Variants in KIF16B observed in about 807,000 individuals in gnomAD.
KIF16B encodes the protein kinesin-like protein KIF16B.
KIF16B carries 98 observed loss-of-function variants against 156.3 expected under a neutral mutation model. The observed-to-expected ratio is 0.63, with a 90% CI of 0.53 to 0.74. The LOEUF (loss-of-function observed/expected upper bound fraction) is 0.74. Ranked by LOEUF, KIF16B falls within the 30% of genes least tolerant of loss-of-function variation. KIF16B has a pLI of 0.00. For missense variants in KIF16B, 1,421 were observed against 1,606.5 expected (o/e 0.88, Z 1.97); for synonymous variants, 564 against 583.7 (o/e 0.97, Z 0.49).
intron 17 of KIF16B, among the ~76,000 whole-genome samples, chr20:16,395,211 G>A (rs2065464443): frequency 1.3e-5 from 1 of 75,554 alleles, no homozygotes; most frequent in Non-Finnish European, 2.7e-5. Flanking sequence ...GGGAAGAGGA[G>A]GGGAGGGGAG....
chr20:16,507,963 T>C lies in KIF16B; in HGVS notation c.694A>G (p.Thr232Ala). Residue 232 changes from threonine (T) to alanine (A), a missense_variant, in exon 7 of 26, where the codon ACT becomes GCT. Transcript: ENST00000354981. ...GGTCCCGCAGCAGCCCTTACCTGAG[T>C]GAACTTGATGGTGAAGATGGCATGA... ...RSHAIFTIKF[T>A]QAKFDSEMPC... 3.1e-6 allele frequency: 5 copies of C among 1,614,096 alleles called. No homozygotes were observed. The highest frequency in any genetic ancestry group is 3.4e-6 in the Non-Finnish European group (4 of 1,179,992).
intron 25 of KIF16B, 152 bp from the exon 26 acceptor site, chr20:16,273,563 CT>C (rs2063014344): frequency 1.6e-6 from 1 of 634,540 alleles, no homozygotes; most frequent in Admixed American, 2.7e-5. Context: ...GGGTGGTGCA[CT>C]GAGGCAGGAG....
chr20:16,434,684 G>C (rs6034476), intron 12 of KIF16B, among the ~76,000 whole-genome samples: 28,363 of 152,096 alleles, frequency 0.19, 2,902 homozygotes, highest in African/African-American at 0.27. Flanking sequence ...TAGTCACTCA[G>C]TAAGTGCTGA....
intron 1 of KIF16B, among the ~76,000 whole-genome samples, chr20:16,536,138 T>A (rs1449037914): frequency 6.6e-6 from 1 of 152,170 alleles, no homozygotes; most frequent in East Asian, 1.9e-4. Flanking sequence ...ATACACACAC[T>A]ATGGAATACT....
At chr20:16,559,890 C>CTATTCAGATTTG (rs758842411) in intron 1 of KIF16B, among the ~76,000 whole-genome samples, 63 of 152,102 alleles carry the variant, frequency 4.1e-4, no homozygotes, top group Non-Finnish European at 7.2e-4. Context: ...TGAATAAAGT[C>CTATTCAGATTTG]TATTCAGATT....
rs2064696959 is a variant in KIF16B at position 16,367,433 on chromosome 20, G to A, written c.3498+3153C>T. On this transcript the variant is annotated intron_variant, in intron 22 of 25. Transcript: ENST00000354981. Reference sequence around the variant, plus strand: ...GCATGGCATTTGATCACATCAAATTGTGCACCCGGAGGAGGTATGTTTCGA... The same window carrying A: ...GCATGGCATTTGATCACATCAAATTATGCACCCGGAGGAGGTATGTTTCGA... 1.9e-6 allele frequency: 3 copies of A among 1,612,856 alleles called. No individual in the cohort carries two copies. In the South Asian group the frequency reaches 3.3e-5, roughly 18 times the overall value.
At chr20:16,346,688 G>C (rs1408608450) in intron 23 of KIF16B, among the ~76,000 whole-genome samples, 1 of 152,134 alleles carries the variant, frequency 6.6e-6, no homozygotes, top group Non-Finnish European at 1.5e-5. Context: ...TACCTCACAG[G>C]GTAGTTTGAA....
intron 10 of KIF16B, among the ~76,000 whole-genome samples, chr20:16,500,459 T>C (rs763596510): frequency 1.3e-5 from 2 of 152,188 alleles, no homozygotes; most frequent in Non-Finnish European, 2.9e-5. Context: ...TTATGTTATA[T>C]AAATATGCTA....
intron 15 of KIF16B, among the ~76,000 whole-genome samples, chr20:16,410,172 T>C (rs1039292020): frequency 1.4e-5 from 2 of 145,238 alleles, no homozygotes; most frequent in African/African-American, 5.1e-5. Context: ...TGTAGGTACA[T>C]ATATATATGT....
intron 25 of KIF16B, among the ~76,000 whole-genome samples, chr20:16,274,139 T>C (rs1393769263): frequency 6.6e-6 from 1 of 151,444 alleles, no homozygotes; most frequent in Non-Finnish European, 1.5e-5. Flanking sequence ...TGCTTACTGG[T>C]ATTTTAAAAT....
At chr20:16,514,579 T>TAAG (rs1568627893) in intron 4 of KIF16B, among the ~76,000 whole-genome samples, 10 of 22,416 alleles carry the variant, frequency 4.5e-4, no homozygotes, top group Non-Finnish European at 5.7e-4. Context: ...CACTAAGAAA[T>TAAG]AAGAAAAAAA....
At chr20:16,410,297 A>ATG (rs202178085) in intron 15 of KIF16B, among the ~76,000 whole-genome samples, 2,088 of 142,598 alleles carry the variant, frequency 0.015, 72 homozygotes, top group African/African-American at 0.052. Flanking sequence ...ACCTACATAT[A>ATG]TATGTGTGTG....
chr20:16,573,194 C>T (rs1274577593), intron 1 of KIF16B, 35 bp downstream of exon 1: 1 of 1,546,548 alleles, frequency 6.5e-7, no homozygotes, highest in Non-Finnish European at 8.8e-7. Flanking sequence ...GGTGGGGGCG[C>T]GACGAGGGGG....
At chr20:16,459,855 A>G (rs1371074755) in intron 12 of KIF16B, among the ~76,000 whole-genome samples, 3 of 152,142 alleles carry the variant, frequency 2.0e-5, no homozygotes, top group Non-Finnish European at 4.4e-5. Context: ...CCTTTCCTTT[A>G]CTTCTGACCT....
chr20:16,329,615 C>T (rs188390062), intron 24 of KIF16B, among the ~76,000 whole-genome samples: 1 of 152,276 alleles, frequency 6.6e-6, no homozygotes, highest in Non-Finnish European at 1.5e-5. Flanking sequence ...TATCACTTTA[C>T]AGACGTGAAC....
At chr20:16,459,049 T>C (rs1485110366) in intron 12 of KIF16B, among the ~76,000 whole-genome samples, 1 of 151,366 alleles carries the variant, frequency 6.6e-6, no homozygotes, top group Non-Finnish European at 1.5e-5. Context: ...AGTTCTCCAT[T>C]TCCCAGCTTT....
chr20:16,465,350 G>T (rs6080272), intron 12 of KIF16B, among the ~76,000 whole-genome samples: 1 of 152,180 alleles, frequency 6.6e-6, no homozygotes, highest in East Asian at 1.9e-4. Flanking sequence ...ATGCAGTTTA[G>T]GTACATACCC....
At chr20:16,398,966 T>C (rs1438572827) in intron 17 of KIF16B, among the ~76,000 whole-genome samples, 1 of 152,166 alleles carries the variant, frequency 6.6e-6, no homozygotes, top group East Asian at 1.9e-4. Flanking sequence ...AATAGACACC[T>C]GCTTTGTATT....
At chr20:16,363,027 G>A (rs1600210193) in intron 22 of KIF16B, among the ~76,000 whole-genome samples, 3 of 152,302 alleles carry the variant, frequency 2.0e-5, no homozygotes, top group South Asian at 4.1e-4. Flanking sequence ...AGATTTGATG[G>A]TGATGGTTTG....
Sources: gnomAD v4.1 joint callset for allele counts (sites outside exome capture counted in the v4.1 genomes callset) on GRCh38, gnomAD v4.1.1 for gene constraint, MANE v1.5 for transcripts, NCBI Gene and HGNC (gene_info 2026-07-23, HGNC 2026-07-21) for gene names.